IL1RAP: variants seen among roughly 807,000 people sequenced by gnomAD.
IL1RAP encodes interleukin 1 receptor accessory protein, also known as interleukin-1 receptor accessory protein.
A neutral mutation model predicts 60.7 loss-of-function variants in IL1RAP; 35 were observed. That is an observed-to-expected ratio of 0.58 (90% confidence interval 0.44 to 0.76). The LOEUF (loss-of-function observed/expected upper bound fraction) is 0.76, where lower values mean the gene tolerates loss of function less well. Ranked by LOEUF, IL1RAP falls within the 30% of genes least tolerant of loss-of-function variation. The pLI, the probability that IL1RAP is intolerant of heterozygous loss-of-function variation, is 0.00. For missense variants in IL1RAP, 572 were observed against 693.9 expected (o/e 0.82, Z 1.97); for synonymous variants, 268 against 250.9 (o/e 1.07, Z -0.64).
At chr3:190,561,357 A>G (rs536940615) in intron 2 of IL1RAP, among the ~76,000 whole-genome samples, 1 of 152,312 alleles carries the variant, frequency 6.6e-6, no homozygotes, top group Non-Finnish European at 1.5e-5. Flanking sequence ...AGCCTGTTCA[A>G]TCACGTTTCC....
At chr3:190,525,077 G>T (rs1484339509) in intron 1 of IL1RAP, among the ~76,000 whole-genome samples, 2 of 152,130 alleles carry the variant, frequency 1.3e-5, no homozygotes, top group Admixed American at 6.5e-5. Context: ...AAAGCTACCT[G>T]AGGAAACAGA....
chr3:190,600,268 A>G (rs935979215), intron 3 of IL1RAP, among the ~76,000 whole-genome samples: 1 of 152,198 alleles, frequency 6.6e-6, no homozygotes, highest in East Asian at 1.9e-4. Context: ...TCCACGGAAG[A>G]TTCTTTCCTT....
chr3:190,658,613 G>T (rs1204269499), exon 12 of IL1RAP: 2 of 152,192 alleles, frequency 1.3e-5, no homozygotes, highest in Non-Finnish European at 2.9e-5. Context: ...CCTTACATGA[G>T]AAGTCACCTT....
intron 9 of IL1RAP, chr3:190,629,840 A>T: frequency 9.9e-7 from 1 of 1,005,266 alleles, no homozygotes; most frequent in Non-Finnish European, 1.2e-6. Flanking sequence ...GTAGAGCCAC[A>T]TATTGTTGGT....
intron 9 of IL1RAP, among the ~76,000 whole-genome samples, chr3:190,636,517 CT>C (rs527507565): frequency 2.0e-5 from 3 of 150,308 alleles, no homozygotes; most frequent in African/African-American, 7.4e-5. Context: ...TTCCAGCTTT[CT>C]TTTTTTTTAC....
At position 190,565,986 on chromosome 3, in the gene IL1RAP, C is replaced by T. The variant is rs150244534; in HGVS notation, c.64+1633C>T. 2.4e-3 allele frequency among the ~76,000 whole-genome samples: 371 copies of T among 151,906 alleles called. 4 individuals are homozygous for T. The highest frequency in any genetic ancestry group is 8.8e-3 in the African/African-American group (364 of 41,430). ...TCTCCTCCTCCTCCCTCTTCCTCTT[C>T]TCTTGTTTCCTCCTCCTTTTCCTTC... On this transcript the variant is annotated intron_variant, in intron 3 of 11. Transcript: ENST00000447382.
chr3:190,517,517 A>G (rs953420470), intron 1 of IL1RAP, among the ~76,000 whole-genome samples: 1 of 152,182 alleles, frequency 6.6e-6, no homozygotes, highest in African/African-American at 2.4e-5. Context: ...CTCCTTGTGG[A>G]AAGTGATGGC....
At chr3:190,647,538 T>C (rs1734099868) in intron 11 of IL1RAP, among the ~76,000 whole-genome samples, 1 of 152,206 alleles carries the variant, frequency 6.6e-6, no homozygotes, top group African/African-American at 2.4e-5. Flanking sequence ...CTTTTTCTTC[T>C]TTTTTCGTTG....
chr3:190,527,684 A>ATTTT (rs58914187), intron 1 of IL1RAP, among the ~76,000 whole-genome samples: 5,756 of 112,688 alleles, frequency 0.051, 261 homozygotes, highest in African/African-American at 0.12. Context: ...GCTTGTTTAC[A>ATTTT]TTTTTTTTTT....
intron 1 of IL1RAP, among the ~76,000 whole-genome samples, chr3:190,544,278 T>C (rs371699658): frequency 6.6e-6 from 1 of 152,200 alleles, no homozygotes; most frequent in Non-Finnish European, 1.5e-5. Context: ...ATGTTCTGAT[T>C]TGGCAACAGT....
intron 1 of IL1RAP, among the ~76,000 whole-genome samples, chr3:190,525,408 G>A (rs561950200): frequency 6.6e-6 from 1 of 152,308 alleles, no homozygotes; most frequent in East Asian, 1.9e-4. Flanking sequence ...CTGGAAATAA[G>A]GTTCTAAGAT....
At chr3:190,564,915 T>C (rs1302603377) in intron 3 of IL1RAP, among the ~76,000 whole-genome samples, 1 of 152,110 alleles carries the variant, frequency 6.6e-6, no homozygotes, top group Non-Finnish European at 1.5e-5. Flanking sequence ...CTGGATCACG[T>C]GAAATTAGAT....
intron 3 of IL1RAP, among the ~76,000 whole-genome samples, chr3:190,589,134 C>T (rs902093266): frequency 2.0e-5 from 3 of 152,096 alleles, no homozygotes; most frequent in Admixed American, 6.5e-5. Flanking sequence ...CTAAGATGCA[C>T]GGTGGATTAT....
intron 3 of IL1RAP, among the ~76,000 whole-genome samples, chr3:190,571,890 T>C (rs1577623897): frequency 6.8e-6 from 1 of 146,630 alleles, no homozygotes; most frequent in South Asian, 2.1e-4. Flanking sequence ...GCTTATTTTA[T>C]GTGTGGCCCA....
chr3:190,633,621 A>T (rs961699197), intron 9 of IL1RAP, among the ~76,000 whole-genome samples: 8 of 152,226 alleles, frequency 5.3e-5, no homozygotes, highest in East Asian at 1.9e-4. Context: ...CCTCCCTCCC[A>T]AAGTGCTGGG....
In IL1RAP at chr3:190,531,588, A is replaced by G. The variant is rs553649459; in HGVS notation, c.-89+17369A>G. ...ACTCCTGAATGTTTAAAAACCAACC[A>G]TATCTCTTGGCTTCCTACTTGTCAA... On this transcript the variant is annotated intron_variant, in intron 1 of 11. Transcript: ENST00000447382. Among the ~76,000 whole-genome samples, 5 of 152,286 alleles carry G rather than the reference A, an allele frequency of 3.3e-5. No homozygotes were observed. The East Asian group carries it at 9.7e-4, about 29-fold the overall frequency.
downstream of IL1RAP, among the ~76,000 whole-genome samples, chr3:190,653,930 T>G (rs997112803): frequency 6.6e-6 from 1 of 152,104 alleles, no homozygotes; most frequent in Non-Finnish European, 1.5e-5. Context: ...CCCAGGACCT[T>G]TCTGAGAAGC....
intron 1 of IL1RAP, among the ~76,000 whole-genome samples, chr3:190,521,853 TA>T (rs61256705): frequency 0.065 from 9,795 of 151,272 alleles, 733 homozygotes; most frequent in African/African-American, 0.17. Context: ...GAGCCTTTCT[TA>T]AAAAAAAAGC....
chr3:190,516,980 C>G (rs9849913), intron 1 of IL1RAP, among the ~76,000 whole-genome samples: 1 of 152,196 alleles, frequency 6.6e-6, no homozygotes, highest in East Asian at 1.9e-4. Flanking sequence ...CCATCACACT[C>G]TGTTTCCTCG....
Sources: gnomAD v4.1 joint callset for allele counts (sites outside exome capture counted in the v4.1 genomes callset) on GRCh38, gnomAD v4.1.1 for gene constraint, MANE v1.5 for transcripts, NCBI Gene and HGNC (gene_info 2026-07-23, HGNC 2026-07-21) for gene names.